CDKAL1: variants seen among roughly 807,000 people sequenced by gnomAD.
CDKAL1 encodes the protein CDKAL1 threonylcarbamoyladenosine tRNA methylthiotransferase, also known as threonylcarbamoyladenosine tRNA methylthiotransferase.
A neutral mutation model predicts 68.2 loss-of-function variants in CDKAL1; 32 were observed. That is an observed-to-expected ratio of 0.47 (90% CI 0.35 to 0.63). CDKAL1 has a LOEUF of 0.63. CDKAL1 is among the 30% of genes least tolerant of loss of function. The pLI is 0.00. For synonymous variants in CDKAL1, 234 were observed against 244.3 expected, an observed-to-expected ratio of 0.96 and a Z score of 0.39; for missense variants, 606 against 696.7, an observed-to-expected ratio of 0.87 and a Z score of 1.47.
rs989876870 is a variant in CDKAL1 at position 20,638,600 on chromosome 6, A to G, written c.287-10693A>G. On this transcript the variant is annotated intron_variant, in intron 4 of 15. Transcript: ENST00000274695. ...ACTTTTTTTGACTTACAGAAATAGT[A>G]TCTTATTAGAGATTCTTTTTTTTTT... is the stretch of plus-strand genomic sequence containing the variant. Among the ~76,000 whole-genome samples the G allele has an allele frequency of 2.2e-5, 3 of 139,024 alleles. No homozygotes were observed. In the East Asian group the frequency reaches 6.3e-4, roughly 29 times the overall value. 91.2% of individuals were successfully genotyped at this position (139,024 alleles called of 152,430 possible).
At chr6:20,971,008 C>T (rs1004001245) in intron 10 of CDKAL1, among the ~76,000 whole-genome samples, 3 of 152,022 alleles carry the variant, frequency 2.0e-5, no homozygotes, top group African/African-American at 7.2e-5. Context: ...GCCACCACAC[C>T]CGGCTAATTT....
chr6:20,820,083 C>T (rs1197325520), intron 8 of CDKAL1, among the ~76,000 whole-genome samples: 3 of 152,162 alleles, frequency 2.0e-5, no homozygotes, highest in Non-Finnish European at 4.4e-5. Flanking sequence ...GGATTCCCTC[C>T]AAGTTCTTGC....
intron 4 of CDKAL1, among the ~76,000 whole-genome samples, chr6:20,609,881 A>G (rs764366164): frequency 2.6e-5 from 4 of 152,088 alleles, no homozygotes; most frequent in Non-Finnish European, 5.9e-5. Context: ...CATCACAGGT[A>G]TTAAGCCCAG....
At chr6:20,956,804 A>G (rs1001777371) in intron 10 of CDKAL1, among the ~76,000 whole-genome samples, 14 of 152,126 alleles carry the variant, frequency 9.2e-5, no homozygotes, top group African/African-American at 3.1e-4. Context: ...TAAATACATA[A>G]TGAGGGAGTT....
At chr6:20,905,830 G>A (rs1337216894) in intron 9 of CDKAL1, among the ~76,000 whole-genome samples, 1 of 152,118 alleles carries the variant, frequency 6.6e-6, no homozygotes, top group Non-Finnish European at 1.5e-5. Flanking sequence ...AACCCAGACA[G>A]CCAAAGAACC....
At chr6:20,543,194 A>G (rs973274820) in intron 2 of CDKAL1, among the ~76,000 whole-genome samples, 5 of 152,206 alleles carry the variant, frequency 3.3e-5, no homozygotes, top group Non-Finnish European at 5.9e-5. Flanking sequence ...CAGGAGTACA[A>G]TTGCTGGGTT....
chr6:20,837,355 C>T lies in CDKAL1; in HGVS notation c.639-8720C>T, dbSNP rs552087912. 1.8e-3 allele frequency among the ~76,000 whole-genome samples: 267 copies of T among 152,050 alleles called. 6 individuals are homozygous for T. In the South Asian group the frequency reaches 0.033, roughly 19 times the overall value. The stretch of plus-strand genomic sequence containing the variant: ...TTAGAACAATACCTTTTATCCCAGG[C>T]GCCAAAATATGGTACCTGTTACATG... On this transcript the variant is annotated intron_variant, in intron 8 of 15. Coordinates refer to ENST00000274695, the MANE Select transcript of CDKAL1 (RefSeq NM_017774.3).
rs1279372067 is a variant in CDKAL1, at chr6:20,913,992, TAAAAG to T, written c.743-41422_743-41418del. On this transcript the variant is annotated intron_variant, in intron 9 of 15. Coordinates refer to ENST00000274695, the MANE Select transcript of CDKAL1 (RefSeq NM_017774.3). ...GGTGACAAAACAAGACTCTGTCTCT[TAAAAG>T]AAAAACAACAGGCTGGGCATGGTGG... 3.3e-5 allele frequency among the ~76,000 whole-genome samples: 5 copies of T among 150,956 alleles called. No individual in the cohort carries two copies. In the South Asian group the frequency reaches 8.4e-4, roughly 25 times the overall value.
intron 7 of CDKAL1, among the ~76,000 whole-genome samples, chr6:20,767,284 A>G (rs995514881): frequency 6.6e-6 from 1 of 152,054 alleles, no homozygotes; most frequent in Non-Finnish European, 1.5e-5. Flanking sequence ...TAATTGTGGT[A>G]TTTTCTGTTT....
intron 13 of CDKAL1, among the ~76,000 whole-genome samples, chr6:21,150,038 TA>T (rs1776339260): frequency 6.6e-6 from 1 of 152,002 alleles, no homozygotes; most frequent in Non-Finnish European, 1.5e-5. Context: ...TTTGTATTTT[TA>T]GTAGAGATGG....
intron 4 of CDKAL1, among the ~76,000 whole-genome samples, chr6:20,589,842 T>TG (rs1253190717): frequency 6.6e-6 from 1 of 152,220 alleles, no homozygotes; most frequent in African/African-American, 2.4e-5. Flanking sequence ...ACTTTAAAAT[T>TG]GCATTGCTTT....
chr6:20,950,032 C>A (rs1764445671), intron 9 of CDKAL1, among the ~76,000 whole-genome samples: 1 of 152,066 alleles, frequency 6.6e-6, no homozygotes, highest in African/African-American at 2.4e-5. Flanking sequence ...TCAAGTGATC[C>A]ACTTGTCTCA....
intron 13 of CDKAL1, among the ~76,000 whole-genome samples, chr6:21,109,922 T>A (rs1272615495): frequency 6.6e-6 from 1 of 152,224 alleles, no homozygotes; most frequent in Non-Finnish European, 1.5e-5. Context: ...GAAATTCCAT[T>A]CTTCTTTTAT....
intron 15 of CDKAL1, among the ~76,000 whole-genome samples, chr6:21,229,554 G>A (rs182496865): frequency 5.9e-5 from 9 of 152,272 alleles, no homozygotes; most frequent in African/African-American, 7.2e-5. Context: ...TTGCTAGAGC[G>A]CTTGGAAGGG....
chr6:20,821,544 G>A (rs531990213), intron 8 of CDKAL1, among the ~76,000 whole-genome samples: 5 of 152,202 alleles, frequency 3.3e-5, no homozygotes, highest in African/African-American at 1.2e-4. Flanking sequence ...TATATATTAG[G>A]TTTATTTATG....
At chr6:20,772,591 T>G (rs999416882) in intron 7 of CDKAL1, among the ~76,000 whole-genome samples, 2 of 152,242 alleles carry the variant, frequency 1.3e-5, no homozygotes, top group Admixed American at 1.3e-4. Context: ...ATGTATCCTT[T>G]GTTTAATGTA....
intron 5 of CDKAL1, among the ~76,000 whole-genome samples, chr6:20,661,367 T>C (rs945671681): frequency 3.3e-5 from 5 of 152,154 alleles, no homozygotes; most frequent in African/African-American, 1.2e-4. Context: ...GCAAGTTTTC[T>C]AGAAACATAG....
At chr6:21,054,210 C>T (rs1284283282) in intron 11 of CDKAL1, among the ~76,000 whole-genome samples, 10 of 152,028 alleles carry the variant, frequency 6.6e-5, no homozygotes, top group Admixed American at 3.3e-4. Flanking sequence ...TTATTGAAAA[C>T]GCTTTGTTTC....
At chr6:20,975,582 A>C (rs1409055896) in intron 10 of CDKAL1, among the ~76,000 whole-genome samples, 1 of 152,114 alleles carries the variant, frequency 6.6e-6, no homozygotes, top group Non-Finnish European at 1.5e-5. Context: ...GTGAATATAA[A>C]GTGATATTTA....
Sources: allele counts gnomAD v4.1 joint callset (sites outside exome capture counted in the v4.1 genomes callset), GRCh38; gene constraint gnomAD v4.1.1; transcripts MANE v1.5; gene names NCBI Gene and HGNC (gene_info 2026-07-23, HGNC 2026-07-21).